The following KLHDC4 variants were observed in gnomAD, a reference collection of about 807,000 sequenced individuals.
The protein encoded by KLHDC4 is kelch domain containing 4.
A neutral mutation model predicts 62.4 loss-of-function variants in KLHDC4; 90 were observed. That is an observed-to-expected ratio of 1.44 (90% CI 1.22 to 1.72). The LOEUF is 1.72. Ranked by LOEUF, KLHDC4 falls within the 40% of genes most tolerant of loss-of-function variation. The pLI is 0.00. For synonymous variants in KLHDC4, 386 were observed against 284.4 expected (o/e 1.36, Z -3.59); for missense variants, 1,025 against 699.7 (o/e 1.47, Z -5.25).
intron 5 of KLHDC4, among the ~76,000 whole-genome samples, chr16:87,745,853 C>T (rs188504940): frequency 3.9e-5 from 6 of 152,282 alleles, no homozygotes; most frequent in African/African-American, 1.4e-4. Flanking sequence ...CATTTGTCAC[C>T]GCTGTGCGTC....
intron 4 of KLHDC4, among the ~76,000 whole-genome samples, chr16:87,753,695 G>A (rs2044385522): frequency 6.6e-6 from 1 of 152,102 alleles, no homozygotes; most frequent in African/African-American, 2.4e-5. Flanking sequence ...CAGCTACTTG[G>A]GAGGCTAAGG....
exon 1 of KLHDC4, chr16:87,702,167 C>T (rs2034174503): frequency 4.4e-6 from 2 of 456,180 alleles, no homozygotes; most frequent in Admixed American, 2.3e-5. Context: ...GATATGGGTT[C>T]AACGTTGACC....
At chr16:87,699,499 G>C (rs981716682) in exon 1 of KLHDC4, 7 of 152,132 alleles carry the variant, frequency 4.6e-5, no homozygotes, top group Non-Finnish European at 8.8e-5. Context: ...CTCGAGGCCA[G>C]CCTGACCAAC....
At chr16:87,723,756 T>G (rs1443742261) in intron 7 of KLHDC4, among the ~76,000 whole-genome samples, 1 of 152,268 alleles carries the variant, frequency 6.6e-6, no homozygotes, top group Non-Finnish European at 1.5e-5. Context: ...TGGATCAGAA[T>G]GGAGAAACAG....
At chr16:87,723,810 A>C (rs966141533) in intron 7 of KLHDC4, among the ~76,000 whole-genome samples, 11 of 152,246 alleles carry the variant, frequency 7.2e-5, no homozygotes, top group Non-Finnish European at 1.5e-4. Flanking sequence ...AAGGTTCCTA[A>C]GGTATTCAAT....
intron 7 of KLHDC4, among the ~76,000 whole-genome samples, chr16:87,725,702 G>A (rs1184746214): frequency 2.0e-5 from 3 of 152,206 alleles, no homozygotes; most frequent in Admixed American, 6.5e-5. Context: ...GCCTGTGCCA[G>A]CCGCCTCTGT....
At chr16:87,761,348 T>C (rs2045870660) in intron 2 of KLHDC4, among the ~76,000 whole-genome samples, 2 of 152,208 alleles carry the variant, frequency 1.3e-5, no homozygotes, top group South Asian at 4.1e-4. Context: ...CCCGATGGGC[T>C]GAACCCCGGC....
rs774660330 is a variant in KLHDC4, at chr16:87,748,677, C to T, written c.502G>A (p.Val168Ile). Residue 168 changes from valine to isoleucine, a missense_variant, in exon 5 of 12, where the codon GTC (valine) becomes ATC (isoleucine). By Grantham distance (29) the Val-to-Ile change is conservative. Coordinates refer to ENST00000270583, the MANE Select transcript of KLHDC4 (RefSeq NM_017566.4). ...LHLATKTWEQ[V>I]KSTGGPSGRS... ...GCTTCTCATCTGGCTTCTTACTTGA[C>T]TTGTTCCCAGGTCTTGGTGGCCAAA... 1.2e-6 allele frequency: 2 copies of T among 1,613,594 alleles called. No homozygotes were observed. Among genetic ancestry groups the T allele is most frequent in the Admixed American group, 1.7e-5 (1 of 59,926 alleles).
In KLHDC4 at chr16:87,711,375, C is replaced by A. The variant is rs756555006; in HGVS notation, c.904G>T (p.Ala302Ser). The change falls in exon 9 of 12, where the codon GCC becomes TCC. Residue 302 changes from alanine to serine, a missense_variant. Coordinates refer to ENST00000270583, the MANE Select transcript of KLHDC4 (RefSeq NM_017566.4). Reference protein sequence around the residue: ...KPTPRSGFSVAMAPNHQTLFF... With the variant: ...KPTPRSGFSVSMAPNHQTLFF... ...AGTGTCTGGTGATTCGGGGCCATGG[C>A]CACGGAAAAGCCAGACCGTGGGGTG... 9.9e-6 allele frequency: 16 copies of A among 1,613,700 alleles called. No individual in the cohort carries two copies. Among genetic ancestry groups the A allele is most frequent in the Non-Finnish European group, 1.3e-5 (15 of 1,180,038 alleles).
At chr16:87,762,698 C>T (rs1190684804) in intron 1 of KLHDC4, among the ~76,000 whole-genome samples, 1 of 152,186 alleles carries the variant, frequency 6.6e-6, no homozygotes, top group African/African-American at 2.4e-5. Flanking sequence ...CTTTTACTAC[C>T]ATCGAGAGTG....
downstream of KLHDC4, among the ~76,000 whole-genome samples, chr16:87,705,364 C>T (rs1393129352): frequency 1.3e-5 from 2 of 152,236 alleles, no homozygotes; most frequent in African/African-American, 2.4e-5. Context: ...TTGTGTTCCG[C>T]GTCTCCCACG....
At chr16:87,746,868 T>C (rs2043116894) in intron 5 of KLHDC4, among the ~76,000 whole-genome samples, 1 of 152,160 alleles carries the variant, frequency 6.6e-6, no homozygotes, top group Admixed American at 6.5e-5. Flanking sequence ...TAATTACCAT[T>C]AGCAAGCATT....
In KLHDC4 at chr16:87,765,720, G is replaced by A. The variant is rs545098421; in HGVS notation, c.99+72C>T. Reference sequence around the variant, plus strand: ...CTCCCACGGCCGACCCGTAACCCCGGGGGGCGCAGGGAGTCGGCCGAGGCT... The same window carrying A: ...CTCCCACGGCCGACCCGTAACCCCGAGGGGCGCAGGGAGTCGGCCGAGGCT... On this transcript the variant is annotated intron_variant, in intron 1 of 11. Coordinates refer to ENST00000270583, the MANE Select transcript of KLHDC4 (RefSeq NM_017566.4). 27 of 1,423,776 alleles carry A rather than the reference G, an allele frequency of 1.9e-5. No homozygotes were observed. In the African/African-American group the frequency reaches 3.4e-4, roughly 18 times the overall value. 88.2% of individuals were successfully genotyped at this position (1,423,776 alleles called of 1,614,324 possible).
chr16:87,722,109 T>A (rs2038481255), intron 7 of KLHDC4, among the ~76,000 whole-genome samples: 1 of 152,122 alleles, frequency 6.6e-6, no homozygotes. Context: ...AAGGACTGAG[T>A]CTTTGACACG....
At chr16:87,718,892 T>C (rs2037650585) in intron 7 of KLHDC4, among the ~76,000 whole-genome samples, 1 of 142,042 alleles carries the variant, frequency 7.0e-6, no homozygotes, top group Admixed American at 7.0e-5. Context: ...GTCTGGGAAC[T>C]GAGGAGTGTC....
intron 5 of KLHDC4, among the ~76,000 whole-genome samples, chr16:87,740,160 C>G (rs895545966): frequency 6.6e-6 from 1 of 152,218 alleles, no homozygotes; most frequent in African/African-American, 2.4e-5. Flanking sequence ...TGGAGAAACG[C>G]TGGCTGTGAT....
At chr16:87,745,575 G>A (rs1244978289) in intron 5 of KLHDC4, among the ~76,000 whole-genome samples, 1 of 152,240 alleles carries the variant, frequency 6.6e-6, no homozygotes, top group Non-Finnish European at 1.5e-5. Flanking sequence ...TGAATGTCTT[G>A]CTCAGAAAAC....
Position 87,765,924 on chromosome 16 carries a change from GA to G in KLHDC4, c.-35del. ...GTCCCAAGCCGCGACGGGACACCAG[GA>G]AAGAAAACGGCCCGCGCTCTCCGCT... On this transcript the variant is annotated 5_prime_UTR_variant, in exon 1 of 12. Coordinates refer to ENST00000270583, the MANE Select transcript of KLHDC4 (RefSeq NM_017566.4). 6.5e-7 allele frequency: 1 copy of G among 1,538,840 alleles called. No homozygotes were observed. Among genetic ancestry groups the G allele is most frequent in the Non-Finnish European group, 8.8e-7 (1 of 1,138,064 alleles).
chr16:87,730,511 A>G, intron 6 of KLHDC4, 41 bp downstream of exon 6: 1 of 1,513,852 alleles, frequency 6.6e-7, no homozygotes, highest in African/African-American at 1.4e-5. Context: ...CCACTCCTTA[A>G]TGCTTCAGGA....
Sources: allele counts gnomAD v4.1 joint callset (sites outside exome capture counted in the v4.1 genomes callset), GRCh38; gene constraint gnomAD v4.1.1; transcripts MANE v1.5; gene names NCBI Gene and HGNC (gene_info 2026-07-23, HGNC 2026-07-21).